ARAP2: variants seen among roughly 807,000 people sequenced by gnomAD.
The protein encoded by ARAP2 is arf-GAP with Rho-GAP domain, ANK repeat and PH domain-containing protein 2.
Under a neutral mutation model 194.5 loss-of-function variants are expected in ARAP2, and 148 were observed. The observed-to-expected ratio is 0.76, with a 90% confidence interval of 0.67 to 0.87. ARAP2 has a LOEUF of 0.87. ARAP2 is among the 40% of genes least tolerant of loss of function. ARAP2 has a pLI of 0.00. For missense variants in ARAP2, 2,128 were observed against 1,989.7 expected, an observed-to-expected ratio of 1.07 and a Z score of -1.32; for synonymous variants, 695 against 683.5, an observed-to-expected ratio of 1.02 and a Z score of -0.26.
intron 27 of ARAP2, among the ~76,000 whole-genome samples, chr4:36,095,211 G>A (rs541111162): frequency 4.5e-4 from 69 of 152,210 alleles, no homozygotes; most frequent in African/African-American, 1.5e-3. Context: ...AGCCACCAGC[G>A]ATAGATGTTG....
chr4:36,126,683 A>G (rs1460642790), intron 21 of ARAP2, among the ~76,000 whole-genome samples: 1 of 152,052 alleles, frequency 6.6e-6, no homozygotes. Context: ...CCCAGTATTC[A>G]AAGCCTTCTC....
intron 7 of ARAP2, among the ~76,000 whole-genome samples, chr4:36,193,297 G>A (rs1020062525): frequency 6.6e-6 from 1 of 152,068 alleles, no homozygotes; most frequent in Non-Finnish European, 1.5e-5. Flanking sequence ...ATTAGGGGGT[G>A]GAAATCTCCA....
chr4:36,080,165 C>T (rs1729167034), intron 31 of ARAP2, 51 bp downstream of exon 31: 1 of 1,478,614 alleles, frequency 6.8e-7, no homozygotes, highest in African/African-American at 1.4e-5. Flanking sequence ...CTAACATTTC[C>T]TGTAAACAAA....
At chr4:36,072,677 AC>A (rs1553887435) in intron 32 of ARAP2, among the ~76,000 whole-genome samples, 1 of 148,114 alleles carries the variant, frequency 6.8e-6, no homozygotes, top group African/African-American at 2.5e-5. Flanking sequence ...CAAAAAAAAA[AC>A]CCCAAAAAAA....
chr4:36,035,894 A>C (rs1719827446), intron 5 of ARAP2, among the ~76,000 whole-genome samples: 1 of 152,168 alleles, frequency 6.6e-6, no homozygotes. Context: ...TTGAAAATAC[A>C]ATTATTTCTC....
rs185297619 is a variant in ARAP2, at chr4:36,171,049, G to A, written c.1858-4002C>T. Among the ~76,000 whole-genome samples the A allele has an allele frequency of 1.1e-4, 17 of 152,202 alleles. No homozygotes were observed. In the East Asian group the frequency reaches 3.1e-3, roughly 28 times the overall value. On this transcript the variant is annotated intron_variant, in intron 9 of 32. Coordinates refer to ENST00000303965, the MANE Select transcript of ARAP2 (RefSeq NM_015230.4). ...GACTGTGACATTTGACTGGCCAAAG[G>A]ACAAAACCCAGACCAGGTTTATTAT...
At chr4:36,030,124 C>T (rs1323772981) in intron 5 of ARAP2, among the ~76,000 whole-genome samples, 3 of 152,034 alleles carry the variant, frequency 2.0e-5, no homozygotes, top group Non-Finnish European at 4.4e-5. Context: ...TTCTCAAGTT[C>T]TGACATGTTT....
At chr4:36,062,633 A>AGTGTGTGT (rs10641822), downstream of ARAP2, among the ~76,000 whole-genome samples, 1,457 of 148,256 alleles carry the variant, frequency 9.8e-3, 30 homozygotes, top group African/African-American at 0.033. Context: ...TTTGTGTGAG[A>AGTGTGTGT]GTGTGTGTGT....
At chr4:36,075,844 A>G (rs776900181) in intron 31 of ARAP2, among the ~76,000 whole-genome samples, 18 of 152,144 alleles carry the variant, frequency 1.2e-4, no homozygotes, top group Non-Finnish European at 1.5e-5. Context: ...CATCCATCAC[A>G]CTTTAAATTT....
intron 5 of ARAP2, among the ~76,000 whole-genome samples, chr4:36,040,111 G>T (rs75972685): frequency 0.019 from 2,926 of 152,260 alleles, 208 homozygotes; most frequent in East Asian, 0.16. Flanking sequence ...AATGTGTTTA[G>T]TTTAAAATGG....
intron 10 of ARAP2, among the ~76,000 whole-genome samples, chr4:36,166,252 G>A (rs1392354650): frequency 6.6e-6 from 1 of 152,038 alleles, no homozygotes; most frequent in Admixed American, 6.6e-5. Context: ...ACGTGATGTT[G>A]ATTATTTATA....
At position 36,120,699 on chromosome 4, in the gene ARAP2, T is replaced by A. The variant is rs73806469; in HGVS notation, c.3894+480A>T. 5.4e-3 allele frequency among the ~76,000 whole-genome samples: 814 copies of A among 151,724 alleles called. 11 individuals carry two copies. The highest frequency in any genetic ancestry group is 0.018 in the African/African-American group (767 of 41,500). On this transcript the variant is annotated intron_variant, in intron 23 of 32. Coordinates refer to ENST00000303965, the MANE Select transcript of ARAP2 (RefSeq NM_015230.4). ...AAATATTAACTTTATAAAATGGAAA[T>A]TTAAAAAGTCAATTAAAACAGATGA...
At chr4:36,052,729 C>A (rs1211505011) in intron 2 of ARAP2, among the ~76,000 whole-genome samples, 1 of 152,108 alleles carries the variant, frequency 6.6e-6, no homozygotes, top group African/African-American at 2.4e-5. Context: ...CTTTGGGAGG[C>A]CGAGGCGGGC....
intron 9 of ARAP2, among the ~76,000 whole-genome samples, chr4:36,175,641 G>T (rs1737726955): frequency 6.6e-6 from 1 of 151,768 alleles, no homozygotes; most frequent in Non-Finnish European, 1.5e-5. Context: ...CATTTTAAAG[G>T]TGTGTGTGTG....
At chr4:36,057,032 C>T (rs1723629467) in intron 2 of ARAP2, among the ~76,000 whole-genome samples, 1 of 138,166 alleles carries the variant, frequency 7.2e-6, no homozygotes, top group South Asian at 2.5e-4. Context: ...CTATCTAAAA[C>T]ATTATCTGTA....
intron 9 of ARAP2, among the ~76,000 whole-genome samples, chr4:36,007,265 G>T (rs1408848596): frequency 6.6e-6 from 1 of 152,104 alleles, no homozygotes; most frequent in Non-Finnish European, 1.5e-5. Context: ...CTTTGTAGAT[G>T]CAATTAAGTA....
intron 9 of ARAP2, among the ~76,000 whole-genome samples, chr4:36,012,324 C>A (rs926712106): frequency 5.3e-5 from 8 of 152,136 alleles, no homozygotes; most frequent in Admixed American, 5.2e-4. Context: ...AGAAAACATG[C>A]CATTTCTTCC....
At chr4:36,166,771 A>G (rs539804648) in intron 10 of ARAP2, among the ~76,000 whole-genome samples, 161 bp downstream of exon 10, 2 of 152,250 alleles carry the variant, frequency 1.3e-5, no homozygotes, top group East Asian at 3.9e-4. Context: ...TCACTTTTAC[A>G]AGGTGTTTTT....
chr4:36,114,117 G>A, intron 26 of ARAP2, 53 bp downstream of exon 26: 1 of 1,212,924 alleles, frequency 8.2e-7, no homozygotes, highest in South Asian at 1.3e-5. Flanking sequence ...GTCTTAAAGA[G>A]TACTTTTTAC....
Sources: gnomAD v4.1 joint callset for allele counts (sites outside exome capture counted in the v4.1 genomes callset) on GRCh38, gnomAD v4.1.1 for gene constraint, MANE v1.5 for transcripts, NCBI Gene and HGNC (gene_info 2026-07-23, HGNC 2026-07-21) for gene names.